DDAH1: variants seen among roughly 807,000 people sequenced by gnomAD.
DDAH1 encodes the protein N(G),N(G)-dimethylarginine dimethylaminohydrolase 1.
DDAH1 carries 19 observed loss-of-function variants against 28.8 expected under a neutral mutation model. The ratio of observed to expected loss-of-function variants is 0.66; its 90% confidence interval spans 0.46 to 0.97. The LOEUF (loss-of-function observed/expected upper bound fraction) is 0.97. Among genes scored for constraint, DDAH1 ranks in the 50% least tolerant of loss-of-function variants. DDAH1 has a pLI of 0.00. For missense variants in DDAH1, 326 were observed against 375.9 expected (o/e 0.87, Z 1.10); for synonymous variants, 153 against 154.4 (o/e 0.99, Z 0.07).
chr1:85,546,062 A>G (rs1395318420), intron 1 of DDAH1, among the ~76,000 whole-genome samples: 6 of 152,118 alleles, frequency 3.9e-5, no homozygotes, highest in Non-Finnish European at 8.8e-5. Flanking sequence ...ACCTTGAATA[A>G]TATCTAAAAC....
intron 1 of DDAH1, chr1:85,576,673 A>AGCACG (rs1659614837): frequency 6.6e-6 from 1 of 152,386 alleles, no homozygotes; most frequent in Admixed American, 6.5e-5. Flanking sequence ...CGTCTGGCAC[A>AGCACG]GCACGGCAAC....
chr1:85,318,868 C>A lies in DDAH1; in HGVS notation c.*2584G>T, dbSNP rs1570360170. 6.6e-6 allele frequency: 1 copy of A among 152,228 alleles called. No homozygotes were observed. The highest frequency in any genetic ancestry group is 2.1e-4 in the South Asian group (1 of 4,824). 9.4% of individuals were successfully genotyped at this position (152,228 alleles called of 1,614,324 possible). ...ACCAATCAATACACATTAGAAAGAT[C>A]TGCCTGATTTCTATAGCAATTCATT... is the stretch of plus-strand genomic sequence containing the variant. On this transcript the variant is annotated 3_prime_UTR_variant, in exon 6 of 6. Transcript: ENST00000284031.
chr1:85,348,320 C>T (rs1275514891), intron 4 of DDAH1, among the ~76,000 whole-genome samples: 6 of 152,064 alleles, frequency 3.9e-5, no homozygotes, highest in African/African-American at 1.4e-4. Flanking sequence ...ATCAGTGGTC[C>T]TCTTTTCTGA....
chr1:85,460,763 T>G (rs558181962), intron 1 of DDAH1, among the ~76,000 whole-genome samples: 1 of 152,220 alleles, frequency 6.6e-6, no homozygotes, highest in Non-Finnish European at 1.5e-5. Context: ...GAGAACTGGT[T>G]AGGCAGGTGC....
chr1:85,323,269 G>C lies in DDAH1; in HGVS notation c.741+1471C>G, dbSNP rs114966886. Among the ~76,000 whole-genome samples the C allele has an allele frequency of 6.4e-3, 974 of 152,204 alleles. 9 individuals are homozygous for C. Among genetic ancestry groups the C allele is most frequent in the African/African-American group, 0.023 (945 of 41,522 alleles). On this transcript the variant is annotated intron_variant, in intron 5 of 5. Coordinates refer to ENST00000284031, the MANE Select transcript of DDAH1 (RefSeq NM_012137.4). ...AAAAAAAGATCAATGATTACTAAAG[G>C]CTCTTCTGTAATGCATAGTATAAAT...
chr1:85,565,109 G>A (rs1659258247), intron 1 of DDAH1, among the ~76,000 whole-genome samples: 1 of 151,374 alleles, frequency 6.6e-6, no homozygotes, highest in Non-Finnish European at 1.5e-5. Context: ...GGCTGAGACA[G>A]GAGAATCACT....
chr1:85,345,947 G>T (rs1240684072), intron 4 of DDAH1, among the ~76,000 whole-genome samples: 1 of 152,288 alleles, frequency 6.6e-6, no homozygotes, highest in East Asian at 1.9e-4. Flanking sequence ...TTCCTAGATG[G>T]ATGATTTCAT....
chr1:85,356,133 G>A (rs1416091117), intron 2 of DDAH1, among the ~76,000 whole-genome samples: 2 of 152,152 alleles, frequency 1.3e-5, no homozygotes, highest in Admixed American at 6.5e-5. Flanking sequence ...TGGACACCCA[G>A]GTGTTCATTT....
At chr1:85,507,654 G>A (rs1657067242) in intron 1 of DDAH1, among the ~76,000 whole-genome samples, 1 of 151,784 alleles carries the variant, frequency 6.6e-6, no homozygotes. Context: ...TTTAATATAT[G>A]CTCATATTCA....
At chr1:85,406,549 G>C (rs1460253737) in intron 1 of DDAH1, among the ~76,000 whole-genome samples, 1 of 152,014 alleles carries the variant, frequency 6.6e-6, no homozygotes, top group Non-Finnish European at 1.5e-5. Flanking sequence ...GATACATATA[G>C]AATATACATT....
At chr1:85,459,489 T>C (rs537401144) in intron 1 of DDAH1, among the ~76,000 whole-genome samples, 1 of 152,282 alleles carries the variant, frequency 6.6e-6, no homozygotes, top group African/African-American at 2.4e-5. Flanking sequence ...GCCAAGGCCA[T>C]GTAGAAGAGT....
At chr1:85,575,138 G>A (rs553850499) in intron 1 of DDAH1, among the ~76,000 whole-genome samples, 1 of 152,268 alleles carries the variant, frequency 6.6e-6, no homozygotes, top group South Asian at 2.1e-4. Context: ...GGCTAAGGCG[G>A]GTGGATGGCT....
chr1:85,389,636 AC>A (rs1302458258), intron 1 of DDAH1, among the ~76,000 whole-genome samples: 3 of 152,202 alleles, frequency 2.0e-5, no homozygotes, highest in Admixed American at 2.0e-4. Context: ...TGGCTATATA[AC>A]CATGTAATGT....
chr1:85,368,421 G>C (rs1650189647), intron 1 of DDAH1, among the ~76,000 whole-genome samples: 1 of 152,092 alleles, frequency 6.6e-6, no homozygotes, highest in Non-Finnish European at 1.5e-5. Context: ...AGGTTCAAAG[G>C]TCCCTCCATA....
intron 1 of DDAH1, among the ~76,000 whole-genome samples, chr1:85,573,386 T>A: frequency 6.6e-6 from 1 of 152,246 alleles, no homozygotes; most frequent in East Asian, 1.9e-4. Flanking sequence ...TCTCTCAATC[T>A]GGAGCCAAGC....
chr1:85,330,107 G>C (rs1647669942), intron 4 of DDAH1, among the ~76,000 whole-genome samples: 1 of 152,234 alleles, frequency 6.6e-6, no homozygotes, highest in African/African-American at 2.4e-5. Flanking sequence ...ACACATGTAT[G>C]TACACAAGAC....
intron 1 of DDAH1, among the ~76,000 whole-genome samples, chr1:85,528,760 G>T (rs1279113812): frequency 6.6e-6 from 1 of 152,130 alleles, no homozygotes; most frequent in Non-Finnish European, 1.5e-5. Flanking sequence ...CGGATCACAA[G>T]GTCAGGAGTT....
chr1:85,540,095 T>C (rs568023248), intron 1 of DDAH1, among the ~76,000 whole-genome samples: 1 of 151,050 alleles, frequency 6.6e-6, no homozygotes, highest in East Asian at 1.9e-4. Flanking sequence ...TAAATATACA[T>C]GCTAAGATTT....
chr1:85,464,587 C>G lies in DDAH1; in HGVS notation c.303+156G>C. 5 of 1,456,300 alleles carry G rather than the reference C, an allele frequency of 3.4e-6. No individual in the cohort carries two copies. Among genetic ancestry groups the G allele is most frequent in the South Asian group, 1.2e-5 (1 of 80,112 alleles). 90.2% of individuals were successfully genotyped at this position (1,456,300 alleles called of 1,614,324 possible). ...GAACAATGAACTTCTCTCTGACTCTCTGACACACACACACACACACACACT... is the reference window on the plus strand; with the variant it reads ...GAACAATGAACTTCTCTCTGACTCTGTGACACACACACACACACACACACT... On this transcript the variant is annotated intron_variant, in intron 1 of 5. Coordinates refer to ENST00000284031, the MANE Select transcript of DDAH1 (RefSeq NM_012137.4). This position sits in a 1 kb window ranked among gnomAD's most constrained non-coding sequence, Gnocchi z 4.4.
Sources: gnomAD v4.1 joint callset for allele counts (sites outside exome capture counted in the v4.1 genomes callset) on GRCh38, gnomAD v4.1.1 for gene constraint, Gnocchi (gnomAD v3.1) non-coding constraint, MANE v1.5 for transcripts, NCBI Gene and HGNC (gene_info 2026-07-23, HGNC 2026-07-21) for gene names.